The following TRPM3 variants were observed in gnomAD, a reference collection of about 807,000 sequenced individuals.
The protein encoded by TRPM3 is long transient receptor potential channel 3.
Under a neutral mutation model 181.2 loss-of-function variants are expected in TRPM3, and 77 were observed. The observed-to-expected ratio is 0.42, with a 90% CI of 0.35 to 0.51. TRPM3 has a LOEUF of 0.51. Ranked by LOEUF, TRPM3 falls within the 20% of genes least tolerant of loss-of-function variation. The pLI is 0.01. For synonymous variants in TRPM3, 745 were observed against 796.4 expected (o/e 0.94, Z 1.09); for missense variants, 1,759 against 2,196.7 (o/e 0.80, Z 3.98).
chr9:71,004,229 C>T (rs913331022), intron 1 of TRPM3, among the ~76,000 whole-genome samples: 2 of 152,242 alleles, frequency 1.3e-5, no homozygotes, highest in Non-Finnish European at 2.9e-5. Flanking sequence ...CTGAAAGGCT[C>T]AAATCCCTGG....
At chr9:71,309,027 T>C (rs1399066520) in intron 1 of TRPM3, among the ~76,000 whole-genome samples, 1 of 152,190 alleles carries the variant, frequency 6.6e-6, no homozygotes, top group Non-Finnish European at 1.5e-5. Context: ...CTGCTACATA[T>C]GCTGCTACAT....
intron 1 of TRPM3, among the ~76,000 whole-genome samples, chr9:71,231,810 A>C (rs187754555): frequency 1.6e-4 from 24 of 152,314 alleles, no homozygotes; most frequent in African/African-American, 5.5e-4. Context: ...GTTTGGGTTA[A>C]AAAACTACCC....
chr9:70,593,691 T>A (rs1296268617), intron 21 of TRPM3, among the ~76,000 whole-genome samples: 3 of 151,984 alleles, frequency 2.0e-5, no homozygotes, highest in Non-Finnish European at 4.4e-5. Context: ...TCTGATAGAA[T>A]GCAGTGCAGA....
intron 1 of TRPM3, among the ~76,000 whole-genome samples, chr9:71,358,362 A>T (rs555369155): frequency 1.4e-3 from 213 of 152,282 alleles, no homozygotes; most frequent in Non-Finnish European, 2.5e-3. Context: ...GATCAATTGG[A>T]AAATCACAGA....
intron 8 of TRPM3, among the ~76,000 whole-genome samples, chr9:70,689,474 CT>C (rs1334173500): frequency 2.6e-5 from 4 of 151,156 alleles, no homozygotes; most frequent in Non-Finnish European, 1.5e-5. Flanking sequence ...TAGTGTTATG[CT>C]GTAGGTCCCA....
Position 70,977,296 on chromosome 9 carries a change from G to A in TRPM3, c.178-112785C>T, listed in dbSNP as rs916397034. 1.8e-4 allele frequency among the ~76,000 whole-genome samples: 27 copies of A among 152,212 alleles called. No homozygotes were observed. The East Asian group carries it at 3.7e-3, about 21-fold the overall frequency. On this transcript the variant is annotated intron_variant, in intron 1 of 25. Transcript: ENST00000677713. The stretch of plus-strand genomic sequence containing the variant: ...ACTACAGGCTCGCGCCACCATGCCC[G>A]GCTAATTTTTTGTATTTTTAGTAGA...
intron 8 of TRPM3, among the ~76,000 whole-genome samples, chr9:70,748,419 T>C (rs1361468465): frequency 6.6e-6 from 1 of 152,192 alleles, no homozygotes; most frequent in Non-Finnish European, 1.5e-5. Flanking sequence ...ATGCCAAGTC[T>C]CTTCTAACTC....
At position 70,653,747 on chromosome 9, in the gene TRPM3, C is replaced by T. The variant is rs560761300; in HGVS notation, c.1346-13087G>A. On this transcript the variant is annotated intron_variant, in intron 9 of 25. Coordinates refer to ENST00000677713, the MANE Select transcript of TRPM3 (RefSeq NM_001366145.2). Reference sequence around the variant, plus strand: ...CATTTACTTTTCTTTCACCCTATACCTCTTTCCCCTTCACCATCTGCTTTA... The same window carrying T: ...CATTTACTTTTCTTTCACCCTATACTTCTTTCCCCTTCACCATCTGCTTTA... Among the ~76,000 whole-genome samples the T allele has an allele frequency of 9.2e-5, 14 of 151,400 alleles. No individual in the cohort carries two copies. In the East Asian group the frequency reaches 1.7e-3, roughly 19 times the overall value.
chr9:71,269,203 C>T (rs1476286135), intron 1 of TRPM3, among the ~76,000 whole-genome samples: 2 of 152,148 alleles, frequency 1.3e-5, no homozygotes, highest in African/African-American at 4.8e-5. Context: ...CTAAAAAGCA[C>T]AATTCCTGTT....
intron 1 of TRPM3, among the ~76,000 whole-genome samples, chr9:71,407,852 G>C (rs540471920): frequency 6.6e-6 from 1 of 152,118 alleles, no homozygotes; most frequent in South Asian, 2.1e-4. Flanking sequence ...TCATACAGCC[G>C]GGTGCCCCTC....
chr9:71,411,767 CAA>C (rs1320493972), intron 1 of TRPM3, among the ~76,000 whole-genome samples: 1 of 152,028 alleles, frequency 6.6e-6, no homozygotes, highest in Non-Finnish European at 1.5e-5. Flanking sequence ...CATATGGAAC[CAA>C]AAAAGAGCCT....
chr9:71,125,590 C>A (rs936965804), upstream of TRPM3, among the ~76,000 whole-genome samples: 5 of 152,092 alleles, frequency 3.3e-5, no homozygotes, highest in African/African-American at 9.7e-5. Flanking sequence ...TTTATCTAGT[C>A]CATCATTGAT....
intron 6 of TRPM3, among the ~76,000 whole-genome samples, chr9:70,823,310 A>G (rs767513884): frequency 2.0e-5 from 3 of 152,194 alleles, no homozygotes; most frequent in Non-Finnish European, 4.4e-5. Context: ...TCTACGTACT[A>G]TAGCAGAGTG....
At chr9:71,296,900 T>C (rs1405524514) in intron 1 of TRPM3, among the ~76,000 whole-genome samples, 3 of 152,068 alleles carry the variant, frequency 2.0e-5, no homozygotes, top group African/African-American at 7.2e-5. Flanking sequence ...GGTAATGCCA[T>C]TATTGAACAT....
At chr9:70,801,624 C>G (rs2089090034) in intron 6 of TRPM3, among the ~76,000 whole-genome samples, 1 of 151,984 alleles carries the variant, frequency 6.6e-6, no homozygotes, top group South Asian at 2.1e-4. Context: ...CATCAGGAGA[C>G]AGTCATGGCC....
chr9:70,945,170 A>G (rs951711640), intron 1 of TRPM3, among the ~76,000 whole-genome samples: 1 of 152,122 alleles, frequency 6.6e-6, no homozygotes, highest in African/African-American at 2.4e-5. Flanking sequence ...GGCACAGGAG[A>G]TTCTAACTTC....
intron 1 of TRPM3, among the ~76,000 whole-genome samples, chr9:71,160,699 C>CA (rs1320934651): frequency 2.0e-5 from 3 of 152,280 alleles, no homozygotes; most frequent in Non-Finnish European, 4.4e-5. Flanking sequence ...TCATTCCCTT[C>CA]ATAACTGGAC....
intron 14 of TRPM3, among the ~76,000 whole-genome samples, chr9:70,624,563 A>G (rs1363010348): frequency 1.3e-5 from 2 of 152,208 alleles, no homozygotes; most frequent in Non-Finnish European, 2.9e-5. Context: ...GTATCAAAAA[A>G]ATGATATTTA....
chr9:70,614,533 G>C (rs902598373), intron 18 of TRPM3, among the ~76,000 whole-genome samples: 1 of 152,086 alleles, frequency 6.6e-6, no homozygotes, highest in South Asian at 2.1e-4. Context: ...GATAATAATA[G>C]TGCCTATCTT....
Sources: gnomAD v4.1 joint callset for allele counts (sites outside exome capture counted in the v4.1 genomes callset) on GRCh38, gnomAD v4.1.1 for gene constraint, MANE v1.5 for transcripts, NCBI Gene and HGNC (gene_info 2026-07-23, HGNC 2026-07-21) for gene names.